The following NDUFAF7 variants were observed in gnomAD, a reference collection of about 807,000 sequenced individuals.
NDUFAF7 encodes NADH:ubiquinone oxidoreductase complex assembly factor 7, also known as protein arginine methyltransferase NDUFAF7, mitochondrial.
In NDUFAF7, 48 loss-of-function variants were observed where a neutral mutation model predicts 47.2. The observed-to-expected ratio is 1.02, with a 90% CI of 0.81 to 1.29. The LOEUF is 1.29. NDUFAF7 is among the 50% of genes most tolerant of loss of function. The pLI is 0.00. For missense variants in NDUFAF7, 635 were observed against 537.6 expected (o/e 1.18, Z -1.79); for synonymous variants, 217 against 190.0 (o/e 1.14, Z -1.17).
At chr2:37,269,732 A>C in the NDUFAF7 span, 1 of 1,312,122 alleles carries the variant, frequency 7.6e-7, no homozygotes, top group South Asian at 1.3e-5. Context: ...TTTCTATAAT[A>C]CAATGTCAAC....
intron 2 of NDUFAF7, among the ~76,000 whole-genome samples, chr2:37,233,700 C>T (rs1665452265): frequency 6.6e-6 from 1 of 151,322 alleles, no homozygotes; most frequent in Non-Finnish European, 1.5e-5. Context: ...TCGTCATCAG[C>T]ATATAGGTCA....
intron 7 of NDUFAF7, 59 bp from the exon 8 acceptor site, chr2:37,245,993 G>C: frequency 6.3e-7 from 1 of 1,584,514 alleles, no homozygotes; most frequent in Non-Finnish European, 8.6e-7. Flanking sequence ...CTGAAAAACC[G>C]TAAGGAAGTC....
At chr2:37,262,905 G>A in the NDUFAF7 span, among the ~76,000 whole-genome samples, 6 of 134,392 alleles carry the variant, frequency 4.5e-5, no homozygotes, top group East Asian at 3.2e-4. Context: ...TCCCCCCCCC[G>A]TATTTGTGGT....
Position 37,231,688 on chromosome 2 carries a change from T to C in NDUFAF7, c.-18T>C, listed in dbSNP as rs753072341. 1 of 1,614,226 alleles carries C rather than the reference T, an allele frequency of 6.2e-7. No homozygotes were observed. ...AGCCCCAGCTCCTGGCGGAGCGAGC[T>C]AGCCTGCGAATTTCAGCATGAGTGT... On this transcript the variant is annotated 5_prime_UTR_variant, in exon 1 of 10. Coordinates refer to ENST00000002125, the MANE Select transcript of NDUFAF7 (RefSeq NM_144736.5).
chr2:37,256,032 A>T (rs1411286238), downstream of NDUFAF7, among the ~76,000 whole-genome samples: 1 of 152,160 alleles, frequency 6.6e-6, no homozygotes, highest in Non-Finnish European at 1.5e-5. Context: ...AAAAGATAAT[A>T]AAAAAGCCCA....
intron 2 of NDUFAF7, among the ~76,000 whole-genome samples, chr2:37,234,157 T>A (rs1459881821): frequency 6.6e-6 from 1 of 152,190 alleles, no homozygotes; most frequent in Non-Finnish European, 1.5e-5. Context: ...TAGTGCAATC[T>A]TGGCTCACTG....
chr2:37,259,177 G>A, the NDUFAF7 span, among the ~76,000 whole-genome samples: 3 of 152,152 alleles, frequency 2.0e-5, no homozygotes, highest in African/African-American at 7.2e-5. Context: ...TAGGTTGTTT[G>A]AATACAATAC....
chr2:37,248,279 C>A lies in NDUFAF7; in HGVS notation c.1255C>A (p.Gln419Lys), dbSNP rs141067688. 1 of 1,614,062 alleles carries A rather than the reference C, an allele frequency of 6.2e-7. No individual in the cohort carries two copies. Among genetic ancestry groups the A allele is most frequent in the South Asian group, 1.1e-5 (1 of 91,082 alleles). The change falls in exon 10 of 10, where the codon CAG becomes AAG. Residue 419 changes from glutamine (Q) to lysine (K), a missense_variant. Coordinates refer to ENST00000002125, the MANE Select transcript of NDUFAF7 (RefSeq NM_144736.5). ...PHQRLQGGRYQRNARQSKPFA... is the reference protein window; with the variant it reads ...PHQRLQGGRYKRNARQSKPFA... Reference sequence around the variant, plus strand: ...TCAGAGACTTCAAGGTGGAAGATATCAGAGGAATGCACGTCAGTCAAAACC... The same window carrying A: ...TCAGAGACTTCAAGGTGGAAGATATAAGAGGAATGCACGTCAGTCAAAACC...
At chr2:37,235,749 G>C (rs1417890349) in intron 2 of NDUFAF7, among the ~76,000 whole-genome samples, 4 of 152,134 alleles carry the variant, frequency 2.6e-5, no homozygotes, top group Non-Finnish European at 2.9e-5. Context: ...CTGCCTCCGA[G>C]GTTCACGCCA....
At chr2:37,242,566 A>G (rs947113907) in intron 5 of NDUFAF7, 69 bp from the exon 6 acceptor site, 4 of 1,275,078 alleles carry the variant, frequency 3.1e-6, no homozygotes, top group Non-Finnish European at 4.5e-6. Context: ...TTTTTTTTAC[A>G]GTTAATATTC....
At chr2:37,259,502 A>T in the NDUFAF7 span, 1 of 1,079,488 alleles carries the variant, frequency 9.3e-7, no homozygotes, top group Non-Finnish European at 1.4e-6. Flanking sequence ...AACCAACAGT[A>T]CTTAGTACAC....
At chr2:37,261,305 G>A in the NDUFAF7 span, among the ~76,000 whole-genome samples, 18 of 151,992 alleles carry the variant, frequency 1.2e-4, no homozygotes, top group African/African-American at 3.4e-4. Context: ...TAGCAAACAC[G>A]GTGAAATCCT....
chr2:37,237,826 C>A lies in NDUFAF7; in HGVS notation c.367C>A (p.Leu123Met), dbSNP rs763202480. The A allele has an allele frequency of 3.7e-6, 6 of 1,613,614 alleles. No individual in the cohort carries two copies. Among genetic ancestry groups the A allele is most frequent in the Non-Finnish European group, 5.1e-6 (6 of 1,179,714 alleles). ...GKSTAFQLVE[L>M]GPGRGTLVGD... ...AAGCACAGCTTTCCAGCTGGTGGAA[C>A]TGGGCCCAGGTAGGGGAACCCTCGT... The change falls in exon 4 of 10, where the codon CTG becomes ATG. Residue 123 changes from leucine to methionine, a missense_variant. Transcript: ENST00000002125.
intron 7 of NDUFAF7, among the ~76,000 whole-genome samples, chr2:37,245,169 A>G (rs955425836): frequency 5.3e-5 from 8 of 152,260 alleles, no homozygotes; most frequent in African/African-American, 1.9e-4. Context: ...AGAAAGTTTA[A>G]GTAACTTGTC....
At chr2:37,252,149 C>G (rs1667550966), downstream of NDUFAF7, 1 of 152,168 alleles carries the variant, frequency 6.6e-6, no homozygotes, top group Non-Finnish European at 1.5e-5. Context: ...CTTTAAAACA[C>G]TCCAGATATC....
At chr2:37,245,928 C>T in intron 7 of NDUFAF7, 124 bp from the exon 8 acceptor site, 1 of 1,088,444 alleles carries the variant, frequency 9.2e-7, no homozygotes, top group South Asian at 1.5e-5. Flanking sequence ...AGAGAACATA[C>T]TCATATTAAG....
the NDUFAF7 span, among the ~76,000 whole-genome samples, chr2:37,265,576 T>TA: frequency 6.6e-6 from 1 of 152,174 alleles, no homozygotes; most frequent in Non-Finnish European, 1.5e-5. Flanking sequence ...CAGACAGACT[T>TA]AGATTCAAAC....
At chr2:37,267,334 A>G in the NDUFAF7 span, 1 of 813,634 alleles carries the variant, frequency 1.2e-6, no homozygotes, top group African/African-American at 1.8e-5. Context: ...CCATAATCTA[A>G]TTTTGCCTTC....
At chr2:37,245,326 G>A (rs1666792210) in intron 7 of NDUFAF7, among the ~76,000 whole-genome samples, 1 of 152,154 alleles carries the variant, frequency 6.6e-6, no homozygotes, top group African/African-American at 2.4e-5. Context: ...TCATAATGAA[G>A]GGAAAGAAAT....
Sources: gnomAD v4.1 joint callset for allele counts (sites outside exome capture counted in the v4.1 genomes callset) on GRCh38, gnomAD v4.1.1 for gene constraint, MANE v1.5 for transcripts, NCBI Gene and HGNC (gene_info 2026-07-23, HGNC 2026-07-21) for gene names.